The following HRH3 variants were observed in gnomAD, a reference collection of about 807,000 sequenced individuals.
HRH3 encodes histamine H3 receptor.
HRH3 carries 13 observed loss-of-function variants against 21.6 expected under a neutral mutation model. The observed-to-expected ratio is 0.60, with a 90% confidence interval of 0.39 to 0.96. The LOEUF is 0.96. Among genes scored for constraint, HRH3 ranks in the 40% least tolerant of loss-of-function variants. The pLI, the probability that HRH3 is intolerant of heterozygous loss-of-function variation, is 0.00. For missense variants in HRH3, 461 were observed against 622.7 expected (o/e 0.74, Z 2.76); for synonymous variants, 276 against 290.3 (o/e 0.95, Z 0.50).
chr20:62,216,640 C>T lies in HRH3; in HGVS notation c.704G>A (p.Gly235Glu). The change falls in exon 3 of 3, where the codon GGG becomes GAG. Residue 235 changes from glycine to glutamate, a missense_variant. By Grantham distance (98) the Gly-to-Glu change is moderately conservative. Coordinates refer to ENST00000340177, the MANE Select transcript of HRH3 (RefSeq NM_007232.3). The part of the protein sequence containing the change: ...IQRRTRLRLD[G>E]AREAAGPEPP... ...CTCGGGGCCGGCTGCCTCTCGAGCC[C>T]CATCCAGCCGGAGGCGGGTGCGCCT... 6.2e-7 allele frequency: 1 copy of T among 1,612,608 alleles called. No individual in the cohort carries two copies. Among genetic ancestry groups the T allele is most frequent in the Non-Finnish European group, 8.5e-7 (1 of 1,179,812 alleles).
In HRH3 at chr20:62,216,228, G is replaced by C; in HGVS notation, c.1116C>G (p.Ala372=). Residue 372 remains alanine, a synonymous_variant, in exon 3 of 3, where the codon GCC becomes GCG. Coordinates refer to ENST00000340177, the MANE Select transcript of HRH3 (RefSeq NM_007232.3). Reference sequence around the variant, plus strand: ...GGATGATCATCAGCAGCGTGTATGGGGCCCAGCAGAGCCCAAAGATGCTCA... The same window carrying C: ...GGATGATCATCAGCAGCGTGTATGGCGCCCAGCAGAGCCCAAAGATGCTCA... The part of the protein sequence containing the change: ...VIVSIFGLCW[A]PYTLLMIIRA... The C allele has an allele frequency of 6.2e-7, 1 of 1,612,922 alleles. No individual in the cohort carries two copies. The highest frequency in any genetic ancestry group is 2.2e-5 in the East Asian group (1 of 44,870).
At position 62,219,584 on chromosome 20, in the gene HRH3, G is replaced by A; in HGVS notation, c.250+137C>T. ...CTGTGCCCCCCACCCCATGGGCTCC[G>A]GACGCCCCCTTCCCAGGCCGGGTCC... On this transcript the variant is annotated intron_variant, in intron 1 of 2. Transcript: ENST00000340177. The surrounding 1 kb of genome is among the most constrained non-coding windows in gnomAD (Gnocchi z 8.7). The A allele has an allele frequency of 3.5e-6, 4 of 1,128,366 alleles. No homozygotes were observed. The highest frequency in any genetic ancestry group is 4.8e-6 in the Non-Finnish European group (4 of 827,486). 69.9% of individuals were successfully genotyped at this position (1,128,366 alleles called of 1,614,324 possible).
In HRH3 at chr20:62,215,931, A is replaced by C; in HGVS notation, c.*75T>G. 1.5e-6 allele frequency: 2 copies of C among 1,359,598 alleles called. No homozygotes were observed. Among genetic ancestry groups the C allele is most frequent in the Non-Finnish European group, 2.0e-6 (2 of 1,010,998 alleles). The allele number at this position is 1,359,598 out of a possible 1,614,324, so 84.2% of individuals were successfully genotyped here. ...TCACCCCTGGGGGAACGAGCCGGGT[A>C]GGGGGCAGCAGGGCCAGATGCCCAG... On this transcript the variant is annotated 3_prime_UTR_variant, in exon 3 of 3. Coordinates refer to ENST00000340177, the MANE Select transcript of HRH3 (RefSeq NM_007232.3).
chr20:62,217,015 T>C (rs1978597104), intron 2 of HRH3, 89 bp from the exon 3 acceptor site: 1 of 1,248,326 alleles, frequency 8.0e-7, no homozygotes, highest in Admixed American at 2.7e-5. Context: ...ATGTGGGCCC[T>C]TCCCTCAGCA....
rs199993900 is a variant in HRH3 at position 62,216,354 on chromosome 20, C to T, written c.990G>A (p.Ser330=). ...LKRGSKPSAS[S]ASLEKRMKMV... ...TCTTCATGCGCTTCTCCAGCGAGGCCGAGGACGCCGACGGCTTGGAGCCCC... is the reference window on the plus strand; with the variant it reads ...TCTTCATGCGCTTCTCCAGCGAGGCTGAGGACGCCGACGGCTTGGAGCCCC... Residue 330 remains serine (S), a synonymous_variant, in exon 3 of 3, where the codon TCG becomes TCA. Coordinates refer to ENST00000340177, the MANE Select transcript of HRH3 (RefSeq NM_007232.3). 89 of 1,584,702 alleles carry T rather than the reference C, an allele frequency of 5.6e-5. No homozygotes were observed. The highest frequency in any genetic ancestry group is 7.4e-5 in the Non-Finnish European group (86 of 1,165,068).
rs915728373 is a variant in HRH3, at chr20:62,218,116, G to A, written c.417+375C>T. Among the ~76,000 whole-genome samples, 3 of 152,300 alleles carry A rather than the reference G, an allele frequency of 2.0e-5. No individual in the cohort carries two copies. Among genetic ancestry groups the A allele is most frequent in the Non-Finnish European group, 2.9e-5 (2 of 68,002 alleles). On this transcript the variant is annotated intron_variant, in intron 2 of 2. Transcript: ENST00000340177. This position sits in a 1 kb window ranked among gnomAD's most constrained non-coding sequence, Gnocchi z 5.6. Reference sequence around the variant, plus strand: ...GCCAGGATCTGCCGCCTGCCTTCCCGGGGCCTGTGTGTGTGTGCACGCTGC... The same window carrying A: ...GCCAGGATCTGCCGCCTGCCTTCCCAGGGCCTGTGTGTGTGTGCACGCTGC...
chr20:62,218,532 C>G lies in HRH3; in HGVS notation c.376G>C (p.Val126Leu), dbSNP rs142903103. The G allele has an allele frequency of 6.2e-6, 10 of 1,612,276 alleles. No homozygotes were observed. Among genetic ancestry groups the G allele is most frequent in the Non-Finnish European group, 7.6e-6 (9 of 1,179,952 alleles). Residue 126 changes from valine to leucine, a missense_variant, in exon 2 of 3, where the codon GTG becomes CTG. Physicochemically the swap from Val to Leu is conservative, Grantham distance 32. Around this residue, in one of 6 missense-constraint regions of HRH3, gnomAD observed 74 missense variants for 86.6 expected, o/e 0.85. Transcript: ENST00000340177. The surrounding 1 kb of genome is among the most constrained non-coding windows in gnomAD (Gnocchi z 5.6). Reference sequence around the variant, plus strand: ...AGGAAGCGGTCGTAGCTGATGAGCACGATGTTGAAGGCAGAGGAGGTGCAC... The same window carrying G: ...AGGAAGCGGTCGTAGCTGATGAGCAGGATGTTGAAGGCAGAGGAGGTGCAC... ...LLCTSSAFNI[V>L]LISYDRFLSV...
chr20:62,216,952 G>GA, intron 2 of HRH3, 26 bp from the exon 3 acceptor site: 1 of 1,567,318 alleles, frequency 6.4e-7, no homozygotes, highest in Non-Finnish European at 8.6e-7. Flanking sequence ...CTGGTCAGGG[G>GA]CGGGGCGGAA....
At chr20:62,216,973 G>T in intron 2 of HRH3, 47 bp from the exon 3 acceptor site, 1 of 1,509,628 alleles carries the variant, frequency 6.6e-7, no homozygotes, top group African/African-American at 1.4e-5. Context: ...GGAATATTGG[G>T]CTGGGTGCGC....
rs768495579 is a variant in HRH3 at position 62,216,203 on chromosome 20, G to A, written c.1141C>T (p.Arg381Trp). ...ACGCAGTGGCCATGGCAGGCGGCCCGGATGATCATCAGCAGCGTGTATGGG... is the reference window on the plus strand; with the variant it reads ...ACGCAGTGGCCATGGCAGGCGGCCCAGATGATCATCAGCAGCGTGTATGGG... ...WAPYTLLMIIRAACHGHCVPD... is the reference protein window; with the variant it reads ...WAPYTLLMIIWAACHGHCVPD... The change falls in exon 3 of 3, where the codon CGG (arginine) becomes TGG (tryptophan). Residue 381 changes from arginine to tryptophan, a missense_variant. Arg to Trp is a moderately radical substitution (Grantham distance 101, BLOSUM62 -3). Coordinates refer to ENST00000340177, the MANE Select transcript of HRH3 (RefSeq NM_007232.3). 2.5e-6 allele frequency: 4 copies of A among 1,613,126 alleles called. No individual in the cohort carries two copies. The highest frequency in any genetic ancestry group is 2.5e-6 in the Non-Finnish European group (3 of 1,179,996).
In HRH3 at chr20:62,216,499, A is replaced by G; in HGVS notation, c.845T>C (p.Val282Ala). The G allele has an allele frequency of 6.3e-7, 1 of 1,577,602 alleles. No homozygotes were observed. The highest frequency in any genetic ancestry group is 8.6e-7 in the Non-Finnish European group (1 of 1,162,786). The change falls in exon 3 of 3, where the codon GTA (valine) becomes GCA (alanine). Residue 282 changes from valine (V) to alanine (A), a missense_variant. Val to Ala is a moderately conservative substitution (Grantham distance 64). Around this residue, in one of 6 missense-constraint regions of HRH3, gnomAD observed 163 missense variants for 139.4 expected, o/e 1.17. Transcript: ENST00000340177. ...GGTCGCCTCCCCGGCCTCAGCGCCT[A>G]CGGCCGCCTCACCCACCCCATACCT... is the stretch of plus-strand genomic sequence containing the variant. ...LHRYGVGEAA[V>A]GAEAGEATLG...
Position 62,218,734 on chromosome 20 carries a change from G to T in HRH3, c.251-77C>A. ...GACGGACCTAAGCGCAGACACCGGC[G>T]GGACCTGGGGTCACATGGTGGCTGC... On this transcript the variant is annotated intron_variant, in intron 1 of 2. Coordinates refer to ENST00000340177, the MANE Select transcript of HRH3 (RefSeq NM_007232.3). The surrounding 1 kb of genome is among the most constrained non-coding windows in gnomAD (Gnocchi z 5.6). 1 of 1,408,864 alleles carries T rather than the reference G, an allele frequency of 7.1e-7. No individual in the cohort carries two copies. The allele number at this position is 1,408,864 out of a possible 1,614,324, so 87.3% of individuals were successfully genotyped here. A position where few individuals can be genotyped will look rare whatever the true frequency, so the allele number is the denominator to read the frequency against.
rs1203831534 is a variant in HRH3, at chr20:62,215,810, C to T, written c.*196G>A. On this transcript the variant is annotated 3_prime_UTR_variant, in exon 3 of 3. Transcript: ENST00000340177. ...CAGGGCCGGCCACCCAGCCTCCAGTCCAGCCAGTGAGGGGCCCTCTGGCCA... is the reference window on the plus strand; with the variant it reads ...CAGGGCCGGCCACCCAGCCTCCAGTTCAGCCAGTGAGGGGCCCTCTGGCCA... The T allele has an allele frequency of 1.6e-6, 1 of 610,376 alleles. No homozygotes were observed. Among genetic ancestry groups the T allele is most frequent in the Admixed American group, 3.0e-5 (1 of 33,584 alleles). The allele number at this position is 610,376 out of a possible 1,614,324, so 37.8% of individuals were successfully genotyped here.
rs750034157 is a variant in HRH3 at position 62,218,491 on chromosome 20, C to T, written c.417G>A (p.Ala139=). Reference sequence around the variant, plus strand: ...AGGAGCTCCGCAGCCCAGGACTCACCGCTCGGGTGACCGACAGGAAGCGGT... The same window carrying T: ...AGGAGCTCCGCAGCCCAGGACTCACTGCTCGGGTGACCGACAGGAAGCGGT... The part of the protein sequence containing the change: ...SYDRFLSVTR[A]VSYRAQQGDT... The change falls in exon 2 of 3, where the codon GCG becomes GCA. Residue 139 remains alanine (A), a splice_region_variant and synonymous_variant. Transcript: ENST00000340177. The surrounding 1 kb of genome is among the most constrained non-coding windows in gnomAD (Gnocchi z 5.6). 11 of 1,610,736 alleles carry T rather than the reference C, an allele frequency of 6.8e-6. No individual in the cohort carries two copies. Among genetic ancestry groups the T allele is most frequent in the South Asian group, 2.2e-5 (2 of 90,952 alleles).
At position 62,218,731 on chromosome 20, in the gene HRH3, G is replaced by C. The variant is rs577219078; in HGVS notation, c.251-74C>G. On this transcript the variant is annotated intron_variant, in intron 1 of 2. Coordinates refer to ENST00000340177, the MANE Select transcript of HRH3 (RefSeq NM_007232.3). This position sits in a 1 kb window ranked among gnomAD's most constrained non-coding sequence, Gnocchi z 5.6. ...ACAGACGGACCTAAGCGCAGACACC[G>C]GCGGGACCTGGGGTCACATGGTGGC... 2 of 1,442,770 alleles carry C rather than the reference G, an allele frequency of 1.4e-6. No homozygotes were observed. Among genetic ancestry groups the C allele is most frequent in the Non-Finnish European group, 1.9e-6 (2 of 1,053,574 alleles). 89.4% of individuals were successfully genotyped at this position (1,442,770 alleles called of 1,614,324 possible). A position where few individuals can be genotyped will look rare whatever the true frequency, so the allele number is the denominator to read the frequency against.
At position 62,219,917 on chromosome 20, in the gene HRH3, G is replaced by A. The variant is rs1457601179; in HGVS notation, c.54C>T (p.Gly18=). ...GCGCCCCGCCCGCCGCCGCCGCCTC[G>A]CCCGCCAGCGCCCCCGAAGCGTTCA... The part of the protein sequence containing the change: ...GPLNASGALA[G]EAAAAGGARG... The change falls in exon 1 of 3, where the codon GGC becomes GGT. Residue 18 remains glycine, a synonymous_variant. Coordinates refer to ENST00000340177, the MANE Select transcript of HRH3 (RefSeq NM_007232.3). The surrounding 1 kb of genome is among the most constrained non-coding windows in gnomAD (Gnocchi z 8.7). 4.6e-6 allele frequency: 6 copies of A among 1,301,028 alleles called. No homozygotes were observed. The South Asian group carries it at 1.1e-4, about 23-fold the overall frequency. 80.6% of individuals were successfully genotyped at this position (1,301,028 alleles called of 1,614,324 possible).
chr20:62,217,166 C>G (rs1265002297), intron 2 of HRH3, among the ~76,000 whole-genome samples: 1 of 152,122 alleles, frequency 6.6e-6, no homozygotes, highest in South Asian at 2.1e-4. Flanking sequence ...CCAACCTGAA[C>G]CCTCACTCTC....
Position 62,215,454 on chromosome 20 carries a change from AGGGCCCCTTGACACTTTTGGG to A in HRH3, c.*531_*551del. 1 of 457,304 alleles carries A rather than the reference AGGGCCCCTTGACACTTTTGGG, an allele frequency of 2.2e-6. No individual in the cohort carries two copies. Among genetic ancestry groups the A allele is most frequent in the Non-Finnish European group, 4.4e-6 (1 of 227,328 alleles). 28.3% of individuals were successfully genotyped at this position (457,304 alleles called of 1,614,324 possible). ...AGCAGAGAACAGCTTCGAGGTTCCT[AGGGCCCCTTGACACTTTTGGG>A]GGCAGAGAGAGTTGGTGGGAAGAGG... On this transcript the variant is annotated 3_prime_UTR_variant, in exon 3 of 3. Transcript: ENST00000340177.
Position 62,216,094 on chromosome 20 carries a change from T to C in HRH3, c.1250A>G (p.His417Arg). ...VNPVLYPLCH[H>R]SFRRAFTKLL... Reference sequence around the variant, plus strand: ...CTTGGTGAAGGCCCGGCGGAAGCTGTGGTGGCACAGAGGGTAGAGGACAGG... The same window carrying C: ...CTTGGTGAAGGCCCGGCGGAAGCTGCGGTGGCACAGAGGGTAGAGGACAGG... Residue 417 changes from histidine to arginine, a missense_variant, in exon 3 of 3, where the codon CAC (histidine) becomes CGC (arginine). Coordinates refer to ENST00000340177, the MANE Select transcript of HRH3 (RefSeq NM_007232.3). 6.2e-7 allele frequency: 1 copy of C among 1,612,030 alleles called. No individual in the cohort carries two copies. Among genetic ancestry groups the C allele is most frequent in the South Asian group, 1.1e-5 (1 of 90,648 alleles).
Sources: allele counts gnomAD v4.1 joint callset (sites outside exome capture counted in the v4.1 genomes callset), GRCh38; gene constraint gnomAD v4.1.1; regional missense constraint gnomAD v4.1.1; non-coding constraint Gnocchi (gnomAD v3.1); transcripts MANE v1.5; gene names NCBI Gene and HGNC (gene_info 2026-07-23, HGNC 2026-07-21).